Variants in DNAH1 observed in about 807,000 individuals in gnomAD.
The protein encoded by DNAH1 is dynein axonemal heavy chain 1.
A neutral mutation model predicts 484.3 loss-of-function variants in DNAH1; 327 were observed. That is an observed-to-expected ratio of 0.68 (90% confidence interval 0.62 to 0.74). DNAH1 has a LOEUF of 0.74. Ranked by LOEUF, DNAH1 falls within the 30% of genes least tolerant of loss-of-function variation. DNAH1 has a pLI of 0.00. For missense variants in DNAH1, 5,052 were observed against 5,546.8 expected (o/e 0.91, Z 2.83); for synonymous variants, 2,192 against 2,191.9 (o/e 1.00, Z 0.00).
intron 65 of DNAH1, 65 bp downstream of exon 65, chr3:52,393,090 TG>T (rs1171301276): frequency 1.3e-5 from 21 of 1,563,610 alleles, no homozygotes; most frequent in Middle Eastern, 3.4e-4. Flanking sequence ...ATTTCCACTG[TG>T]GGGCACACAC....
Position 52,378,721 on chromosome 3 carries a change from C to G in DNAH1, c.7318C>G (p.Leu2440Val), listed in dbSNP as rs751104321. 1.2e-6 allele frequency: 2 copies of G among 1,613,840 alleles called. No homozygotes were observed. The highest frequency in any genetic ancestry group is 2.2e-5 in the South Asian group (2 of 91,086). Residue 2440 changes from leucine (L) to valine (V), a missense_variant, in exon 47 of 78, where the codon CTG becomes GTG. By Grantham distance (32) the Leu-to-Val change is conservative. This residue lies in a region of DNAH1 where 2,929 missense variants were observed against 3,409.4 expected (regional missense o/e 0.86). Transcript: ENST00000420323. ...AGCCAAGTCCCACTACACCTTCAACCTGAGGGACCTCTCCAAGGTCTTCCA... is the reference window on the plus strand; with the variant it reads ...AGCCAAGTCCCACTACACCTTCAACGTGAGGGACCTCTCCAAGGTCTTCCA... ...TPAKSHYTFN[L>V]RDLSKVFQGM... is the part of the protein sequence containing the mutation.
In DNAH1 at chr3:52,366,502, G is replaced by C. The variant is rs748535920; in HGVS notation, c.5564G>C (p.Arg1855Pro). ...CIQLYETTVV[R>P]HGLMLVGPTG... The stretch of plus-strand genomic sequence containing the variant: ...CAGCTCTACGAGACCACGGTGGTAC[G>C]ACACGGCCTCATGCTCGTCGGGCCC... The change falls in exon 35 of 78, where the codon CGA becomes CCA. Residue 1855 changes from arginine (R) to proline (P), a missense_variant. This residue lies in a region of DNAH1 where 2,929 missense variants were observed against 3,409.4 expected (regional missense o/e 0.86). Coordinates refer to ENST00000420323, the MANE Select transcript of DNAH1 (RefSeq NM_015512.5). 2 of 1,603,178 alleles carry C rather than the reference G, an allele frequency of 1.2e-6. No homozygotes were observed. Among genetic ancestry groups the C allele is most frequent in the Admixed American group, 1.7e-5 (1 of 58,776 alleles).
rs1402413071 is a variant in DNAH1, at chr3:52,351,952, TC to T, written c.2730-7del. On this transcript the variant is annotated splice_polypyrimidine_tract_variant and intron_variant, in intron 16 of 77. Coordinates refer to ENST00000420323, the MANE Select transcript of DNAH1 (RefSeq NM_015512.5). The stretch of plus-strand genomic sequence containing the variant: ...ATATTTCTCCCAATCCCCACCCCCA[TC>T]CCGGCCAGATGGATTGCCAGCAACT... The T allele has an allele frequency of 1.9e-6, 3 of 1,597,934 alleles. No homozygotes were observed. The African/African-American group carries it at 4.0e-5, about 21-fold the overall frequency.
chr3:52,386,443 C>T (rs1178458788), intron 55 of DNAH1, 98 bp downstream of exon 55: 36 of 1,427,146 alleles, frequency 2.5e-5, no homozygotes, highest in Non-Finnish European at 1.9e-6. Context: ...CTGCCCCACC[C>T]TCCTCATTCC....
In DNAH1 at chr3:52,370,149, A is replaced by T; in HGVS notation, c.6178A>T (p.Ile2060Phe). ...CGTTCGGTCCTCAGTGAAGGAGGTG[A>T]TCGCCTCAACCAACTGCAACCTGAC... is the stretch of plus-strand genomic sequence containing the variant. ...SFVRSSVKEV[I>F]ASTNCNLTMS... The change falls in exon 39 of 78, where the codon ATC becomes TTC. Residue 2060 changes from isoleucine to phenylalanine, a missense_variant. Physicochemically the swap from Ile to Phe is conservative, Grantham distance 21 (BLOSUM62 0). Transcript: ENST00000420323. 2 of 1,613,982 alleles carry T rather than the reference A, an allele frequency of 1.2e-6. No homozygotes were observed. Among genetic ancestry groups the T allele is most frequent in the Non-Finnish European group, 8.5e-7 (1 of 1,179,878 alleles).
Position 52,395,780 on chromosome 3 carries a change from C to A in DNAH1, c.11259+102C>A. ...GAATCATGCCAAGCACTCTGCCCAG[C>A]CTCTAGCACGTGGCAAGTGCTCAGC... On this transcript the variant is annotated intron_variant, in intron 70 of 77. Coordinates refer to ENST00000420323, the MANE Select transcript of DNAH1 (RefSeq NM_015512.5). This position sits in a 1 kb window ranked among gnomAD's most constrained non-coding sequence, Gnocchi z 4.4. 1 of 1,491,434 alleles carries A rather than the reference C, an allele frequency of 6.7e-7. No homozygotes were observed. The highest frequency in any genetic ancestry group is 9.0e-7 in the Non-Finnish European group (1 of 1,105,152). 92.4% of individuals were successfully genotyped at this position (1,491,434 alleles called of 1,614,324 possible).
At chr3:52,384,727 CA>C in intron 52 of DNAH1, 58 bp from the exon 53 acceptor site, 1 of 1,483,612 alleles carries the variant, frequency 6.7e-7, no homozygotes, top group South Asian at 1.4e-5. Flanking sequence ...TGTGGGCACC[CA>C]GTCCCTGTCT....
rs376282579 is a variant in DNAH1, at chr3:52,380,088, C to T, written c.7561C>T (p.Pro2521Ser). The T allele has an allele frequency of 6.2e-6, 10 of 1,605,278 alleles. No individual in the cohort carries two copies. The highest frequency in any genetic ancestry group is 1.7e-5 in the Admixed American group (1 of 58,894). ...CATTCTTTACGGGGACTTCATGTCA[C>T]CAGGCTCCGATGTCAAGTCCTACGA... ...QPILYGDFMS[P>S]GSDVKSYELI... The change falls in exon 48 of 78, where the codon CCA (proline) becomes TCA (serine). Residue 2521 changes from proline to serine, a missense_variant. Physicochemically the swap from Pro to Ser is moderately conservative, Grantham distance 74. Coordinates refer to ENST00000420323, the MANE Select transcript of DNAH1 (RefSeq NM_015512.5).
Position 52,364,762 on chromosome 3 carries a change from T to C in DNAH1, c.5331+38T>C. 1.2e-6 allele frequency: 2 copies of C among 1,607,532 alleles called. No individual in the cohort carries two copies. Among genetic ancestry groups the C allele is most frequent in the Non-Finnish European group, 1.7e-6 (2 of 1,175,944 alleles). ...CAGCAGGGCTCCAGGAGTGGAACTC[T>C]GGGAGGGCTCCTGGGCAGCTGGAGG... On this transcript the variant is annotated intron_variant, in intron 33 of 77. Transcript: ENST00000420323. This position sits in a 1 kb window ranked among gnomAD's most constrained non-coding sequence, Gnocchi z 4.2.
chr3:52,325,167 TC>T (rs1158042036), intron 3 of DNAH1, among the ~76,000 whole-genome samples: 6 of 152,140 alleles, frequency 3.9e-5, no homozygotes, highest in Non-Finnish European at 7.4e-5. Flanking sequence ...GAGAGCAGAC[TC>T]CAGCTAATGG....
At position 52,379,396 on chromosome 3, in the gene DNAH1, G is replaced by A. The variant is rs1199019998; in HGVS notation, c.7378-509G>A. Among the ~76,000 whole-genome samples, 1 of 152,160 alleles carries A rather than the reference G, an allele frequency of 6.6e-6. No individual in the cohort carries two copies. The highest frequency in any genetic ancestry group is 1.5e-5 in the Non-Finnish European group (1 of 68,034). On this transcript the variant is annotated intron_variant, in intron 47 of 77. Coordinates refer to ENST00000420323, the MANE Select transcript of DNAH1 (RefSeq NM_015512.5). This position sits in a 1 kb window ranked among gnomAD's most constrained non-coding sequence, Gnocchi z 4.4. The stretch of plus-strand genomic sequence containing the variant: ...TCTACAGAAAAGGCTGGGAGCTTCC[G>A]GAGGGCAGTCCTGCCACCCAGGGAG...
rs137910956 is a variant in DNAH1, at chr3:52,358,757, T to C, written c.4266+20T>C. On this transcript the variant is annotated intron_variant, in intron 25 of 77. Coordinates refer to ENST00000420323, the MANE Select transcript of DNAH1 (RefSeq NM_015512.5). This position sits in a 1 kb window ranked among gnomAD's most constrained non-coding sequence, Gnocchi z 4.2. Reference sequence around the variant, plus strand: ...CCCACGGTGAGCCGCCCGCAGCCCGTGCAGCCTTCCACCCCTGCACCCCTC... The same window carrying C: ...CCCACGGTGAGCCGCCCGCAGCCCGCGCAGCCTTCCACCCCTGCACCCCTC... 4.5e-4 allele frequency: 727 copies of C among 1,611,132 alleles called. 4 individuals carry two copies. The African/African-American group carries it at 8.6e-3, about 19-fold the overall frequency.
Position 52,359,344 on chromosome 3 carries a change from C to T in DNAH1, c.4365C>T (p.Ala1455=), listed in dbSNP as rs185313035. The change falls in exon 26 of 78, where the codon GCC becomes GCT. Residue 1455 remains alanine, a synonymous_variant. Coordinates refer to ENST00000420323, the MANE Select transcript of DNAH1 (RefSeq NM_015512.5). ...WTMEVAEALE[A]GNLRSQLFPQ... The stretch of plus-strand genomic sequence containing the variant: ...TGGAGGTGGCAGAGGCTCTGGAGGC[C>T]GGCAACCTCAGAAGCCAACTGTTCC... The T allele has an allele frequency of 1.2e-3, 1,833 of 1,570,576 alleles. 12 individuals carry two copies. Among genetic ancestry groups the T allele is most frequent in the Non-Finnish European group, 6.1e-4 (704 of 1,157,128 alleles).
rs1183144972 is a variant in DNAH1 at position 52,326,238 on chromosome 3, C to T, written c.505C>T (p.Gln169Ter). The change falls in exon 4 of 78, where the codon CAG becomes TAG. Residue 169 changes from glutamine to a stop codon, truncating the protein, a stop_gained. Transcript: ENST00000420323. LOFTEE classifies it high-confidence loss of function. ...GCTCGCCCAGACTGACTTCCCACTG[C>T]AGGCCTACGAGCCCAAGATGCAGGT... ...RLLAQTDFPL[Q>*]AYEPKMQVPF... 9 of 1,612,938 alleles carry T rather than the reference C, an allele frequency of 5.6e-6. No individual in the cohort carries two copies. The highest frequency in any genetic ancestry group is 7.6e-6 in the Non-Finnish European group (9 of 1,179,704).
Position 52,378,700 on chromosome 3 carries a change from A to C in DNAH1, c.7297A>C (p.Lys2433Gln). The C allele has an allele frequency of 6.2e-7, 1 of 1,613,824 alleles. No homozygotes were observed. The highest frequency in any genetic ancestry group is 8.5e-7 in the Non-Finnish European group (1 of 1,179,876). The change falls in exon 47 of 78, where the codon AAG (lysine) becomes CAG (glutamine). Residue 2433 changes from lysine (K) to glutamine (Q), a missense_variant. Lys to Gln is a moderately conservative substitution (Grantham distance 53). Around this residue, in one of 4 missense-constraint regions of DNAH1, gnomAD observed 2,929 missense variants for 3,409.4 expected, o/e 0.86. Transcript: ENST00000420323. Reference sequence around the variant, plus strand: ...CTCCCAGCTGCTGCCCACTCCAGCCAAGTCCCACTACACCTTCAACCTGAG... The same window carrying C: ...CTCCCAGCTGCTGCCCACTCCAGCCCAGTCCCACTACACCTTCAACCTGAG... ...ITSQLLPTPA[K>Q]SHYTFNLRDL...
chr3:52,360,822 A>C (rs1380266177), intron 28 of DNAH1, among the ~76,000 whole-genome samples: 1 of 152,118 alleles, frequency 6.6e-6, no homozygotes, highest in African/African-American at 2.4e-5. Flanking sequence ...GCCCTTTTCT[A>C]ATAGTTCCCT....
Position 52,331,186 on chromosome 3 carries a change from G to A in DNAH1, c.910G>A (p.Glu304Lys), listed in dbSNP as rs377023440. The stretch of plus-strand genomic sequence containing the variant: ...TCAGAAGCTGAAGTACAAATGGTGC[G>A]AGGTCGGCGTCCTGGACTACGACGA... ...KSQKLKYKWC[E>K]VGVLDYDEEK... The change falls in exon 7 of 78, where the codon GAG (glutamate) becomes AAG (lysine). Residue 304 changes from glutamate to lysine, a missense_variant. Around this residue, in one of 4 missense-constraint regions of DNAH1, gnomAD observed 1,263 missense variants for 1,218.8 expected, o/e 1.04. Transcript: ENST00000420323. 8.2e-5 allele frequency: 132 copies of A among 1,605,028 alleles called. No homozygotes were observed. The highest frequency in any genetic ancestry group is 1.1e-4 in the Non-Finnish European group (124 of 1,175,834).
At chr3:52,354,785 C>T in intron 20 of DNAH1, 58 bp from the exon 21 acceptor site, 2 of 1,569,574 alleles carry the variant, frequency 1.3e-6, no homozygotes, top group Non-Finnish European at 1.7e-6. Flanking sequence ...CAGGGCTGGT[C>T]AGACAGCATC....
In DNAH1 at chr3:52,378,744, C is replaced by T; in HGVS notation, c.7341C>T (p.Phe2447=). 6.2e-7 allele frequency: 1 copy of T among 1,613,784 alleles called. No individual in the cohort carries two copies. ...ACCTGAGGGACCTCTCCAAGGTCTT[C>T]CAAGGCATGCTCATGGCTGACCCGG... ...TFNLRDLSKV[F]QGMLMADPAK... The change falls in exon 47 of 78, where the codon TTC becomes TTT. Residue 2447 remains phenylalanine (F), a synonymous_variant. Transcript: ENST00000420323.
Sources: gnomAD v4.1 joint callset for allele counts (sites outside exome capture counted in the v4.1 genomes callset) on GRCh38, gnomAD v4.1.1 for gene constraint, gnomAD v4.1.1 regional missense constraint, Gnocchi (gnomAD v3.1) non-coding constraint, MANE v1.5 for transcripts, NCBI Gene and HGNC (gene_info 2026-07-23, HGNC 2026-07-21) for gene names.